AP2B1: variants seen among roughly 807,000 people sequenced by gnomAD.
AP2B1 encodes AP-2 complex subunit beta.
A neutral mutation model predicts 102.0 loss-of-function variants in AP2B1; 23 were observed. The ratio of observed to expected loss-of-function variants is 0.23; its 90% CI spans 0.16 to 0.32. The LOEUF is 0.32. Among genes scored for constraint, AP2B1 ranks in the 10% least tolerant of loss-of-function variants. The pLI, the probability that AP2B1 is intolerant of heterozygous loss-of-function variation, is 1.00. For synonymous variants in AP2B1, 381 were observed against 421.2 expected (o/e 0.90, Z 1.17); for missense variants, 541 against 1,157.4 (o/e 0.47, Z 7.73).
intron 11 of AP2B1, among the ~76,000 whole-genome samples, chr17:35,640,445 C>T (rs2074747163): frequency 6.6e-6 from 1 of 151,936 alleles, no homozygotes; most frequent in Non-Finnish European, 1.5e-5. Flanking sequence ...ACCATGTTGG[C>T]CAGGCTGGTC....
At chr17:35,627,829 C>A in intron 9 of AP2B1, 103 bp downstream of exon 9, 1 of 972,930 alleles carries the variant, frequency 1.0e-6, no homozygotes, top group Non-Finnish European at 1.5e-6. Flanking sequence ...TAATAAAGCA[C>A]ACAGTTTCAA....
chr17:35,664,693 G>A (rs1159876714), intron 14 of AP2B1, among the ~76,000 whole-genome samples: 2 of 152,164 alleles, frequency 1.3e-5, no homozygotes, highest in African/African-American at 4.8e-5. Flanking sequence ...TCTATTCTGT[G>A]TACTAGGCAT....
At chr17:35,667,380 G>T (rs565254846) in intron 14 of AP2B1, among the ~76,000 whole-genome samples, 61 of 152,204 alleles carry the variant, frequency 4.0e-4, no homozygotes, top group African/African-American at 1.3e-3. Context: ...TGTATCCCTG[G>T]CTGTGTCTCT....
intron 18 of AP2B1, among the ~76,000 whole-genome samples, chr17:35,694,133 A>G (rs1197236839): frequency 6.6e-6 from 1 of 152,186 alleles, no homozygotes; most frequent in Non-Finnish European, 1.5e-5. Flanking sequence ...TTGAATTTCT[A>G]CTAGGTCTTC....
chr17:35,642,099 C>G (rs891374195), intron 12 of AP2B1, 124 bp downstream of exon 12: 5 of 616,976 alleles, frequency 8.1e-6, no homozygotes, highest in Non-Finnish European at 1.4e-5. Flanking sequence ...CCTTTAGATC[C>G]TGTTAAAATA....
intron 5 of AP2B1, among the ~76,000 whole-genome samples, chr17:35,609,456 C>G (rs889323094): frequency 8.6e-5 from 13 of 151,804 alleles, no homozygotes; most frequent in African/African-American, 3.1e-4. Flanking sequence ...ATGCCATTGT[C>G]CTGCCTCAGC....
chr17:35,593,382 G>A (rs962444410), intron 1 of AP2B1, among the ~76,000 whole-genome samples: 4 of 151,974 alleles, frequency 2.6e-5, no homozygotes, highest in African/African-American at 9.7e-5. Context: ...ATTATGCATT[G>A]TCTGCCTGTT....
intron 14 of AP2B1, among the ~76,000 whole-genome samples, chr17:35,666,422 C>G (rs2075466728): frequency 6.6e-6 from 1 of 152,184 alleles, no homozygotes; most frequent in African/African-American, 2.4e-5. Context: ...GACTACACCA[C>G]TAGCAGAAAA....
chr17:35,609,626 T>G (rs1199011290), intron 5 of AP2B1, among the ~76,000 whole-genome samples: 3 of 152,130 alleles, frequency 2.0e-5, no homozygotes, highest in Non-Finnish European at 4.4e-5. Flanking sequence ...GGATTACATG[T>G]GTGAGCCACC....
chr17:35,608,614 T>A (rs2073764046), intron 5 of AP2B1, among the ~76,000 whole-genome samples: 2 of 152,228 alleles, frequency 1.3e-5, no homozygotes, highest in Admixed American at 1.3e-4. Flanking sequence ...ATTGTACTTA[T>A]GCTCATATTT....
chr17:35,723,786 A>G lies in AP2B1; in HGVS notation c.*87A>G. ...GGAAGAAATTGTATTGCTGCGTAGA[A>G]TCTGAACACACTGAGGCCACCTAGC... is the stretch of plus-strand genomic sequence containing the variant. On this transcript the variant is annotated 3_prime_UTR_variant, in exon 22 of 22. Transcript: ENST00000610402. 1 of 1,021,604 alleles carries G rather than the reference A, an allele frequency of 9.8e-7. No homozygotes were observed. Among genetic ancestry groups the G allele is most frequent in the Non-Finnish European group, 1.5e-6 (1 of 650,726 alleles). 63.3% of individuals were successfully genotyped at this position (1,021,604 alleles called of 1,614,324 possible). A position where few individuals can be genotyped will look rare whatever the true frequency, so the allele number is the denominator to read the frequency against.
chr17:35,602,547 A>T (rs986280891), intron 3 of AP2B1, among the ~76,000 whole-genome samples: 1 of 152,248 alleles, frequency 6.6e-6, no homozygotes, highest in Non-Finnish European at 1.5e-5. Context: ...AAAGGAACAG[A>T]TGAATTAATT....
In AP2B1 at chr17:35,659,953, G is replaced by A. The variant is rs1005133257; in HGVS notation, c.1989+2162G>A. The A allele has an allele frequency of 6.1e-6, 6 of 985,294 alleles. No homozygotes were observed. In the African/African-American group the frequency reaches 7.0e-5, roughly 11 times the overall value. 61.0% of individuals were successfully genotyped at this position (985,294 alleles called of 1,614,324 possible). A position where few individuals can be genotyped will look rare whatever the true frequency, so the allele number is the denominator to read the frequency against. ...TCACAAGGAAGACCTAAATTTGCCT[G>A]TGTGGAAGAAGATGAGTTTCTAAGG... On this transcript the variant is annotated intron_variant, in intron 14 of 21. Transcript: ENST00000610402.
At chr17:35,620,632 T>C (rs2074148096) in intron 5 of AP2B1, among the ~76,000 whole-genome samples, 1 of 152,024 alleles carries the variant, frequency 6.6e-6, no homozygotes, top group African/African-American at 2.4e-5. Flanking sequence ...CTGGGCAATA[T>C]AGCCAGCCCC....
At chr17:35,671,574 C>A (rs4796101) in intron 15 of AP2B1, among the ~76,000 whole-genome samples, 180 bp from the exon 16 acceptor site, 1 of 152,154 alleles carries the variant, frequency 6.6e-6, no homozygotes, top group African/African-American at 2.4e-5. Flanking sequence ...TTATCAATGA[C>A]GAAAAAATAA....
intron 4 of AP2B1, among the ~76,000 whole-genome samples, chr17:35,607,270 A>G (rs569955345): frequency 3.9e-5 from 6 of 152,212 alleles, no homozygotes; most frequent in Admixed American, 1.3e-4. Flanking sequence ...AAAAACAGAC[A>G]GCATTTCTAA....
At chr17:35,640,297 C>T (rs2074742140) in intron 11 of AP2B1, among the ~76,000 whole-genome samples, 1 of 144,316 alleles carries the variant, frequency 6.9e-6, no homozygotes, top group Non-Finnish European at 1.5e-5. Flanking sequence ...AGTGTAGTGG[C>T]AGGATTGTGG....
chr17:35,710,199 G>A (rs1555586819), intron 19 of AP2B1, 35 bp from the exon 20 acceptor site: 1 of 1,446,350 alleles, frequency 6.9e-7, no homozygotes, highest in Non-Finnish European at 9.7e-7. Flanking sequence ...GACAGCTTAT[G>A]CACATCCATC....
At chr17:35,626,502 TCTAA>T in intron 6 of AP2B1, 115 bp from the exon 7 acceptor site, 1 of 861,424 alleles carries the variant, frequency 1.2e-6, no homozygotes, top group Non-Finnish European at 1.8e-6. Context: ...CTTTGACTTT[TCTAA>T]CTAATTCTTT....
Sources: gnomAD v4.1 joint callset for allele counts (sites outside exome capture counted in the v4.1 genomes callset) on GRCh38, gnomAD v4.1.1 for gene constraint, MANE v1.5 for transcripts, NCBI Gene and HGNC (gene_info 2026-07-23, HGNC 2026-07-21) for gene names.